Variants in IGF1 observed in about 807,000 individuals in gnomAD.
The protein encoded by IGF1 is insulin-like growth factor 1.
In IGF1, 4 loss-of-function variants were observed where a neutral mutation model predicts 13.8. The observed-to-expected ratio is 0.29, with a 90% CI of 0.14 to 0.66. IGF1 has a LOEUF of 0.66. Ranked by LOEUF, IGF1 falls within the 30% of genes least tolerant of loss-of-function variation. The pLI is 0.78. For synonymous variants in IGF1, 76 were observed against 72.6 expected, an observed-to-expected ratio of 1.05 and a Z score of -0.23; for missense variants, 124 against 188.5, an observed-to-expected ratio of 0.66 and a Z score of 2.00.
chr12:102,473,541 T>A (rs559504312), intron 2 of IGF1, among the ~76,000 whole-genome samples: 3 of 152,222 alleles, frequency 2.0e-5, no homozygotes, highest in African/African-American at 7.2e-5. Flanking sequence ...CGGATTAACA[T>A]AAGTCATGGA....
intron 2 of IGF1, among the ~76,000 whole-genome samples, chr12:102,448,689 T>TAAAAAAAAAAAAAA (rs58794507): frequency 9.1e-6 from 1 of 110,308 alleles, no homozygotes; most frequent in Non-Finnish European, 1.8e-5. Context: ...TAGAGTATAA[T>TAAAAAAAAAAAAAA]AAAAAAAAAA....
At chr12:102,409,305 T>G (rs1156970249) in intron 3 of IGF1, among the ~76,000 whole-genome samples, 2 of 152,240 alleles carry the variant, frequency 1.3e-5, no homozygotes, top group African/African-American at 4.8e-5. Flanking sequence ...AGCATTGATG[T>G]TCTGTAGAGT....
intron 2 of IGF1, chr12:102,423,294 G>A (rs1875905817): frequency 6.8e-6 from 1 of 147,490 alleles, no homozygotes; most frequent in Non-Finnish European, 1.5e-5. Flanking sequence ...AAAAAGACCG[G>A]TGCCTGGTAT....
rs70961706 is a variant in IGF1 at position 102,397,768 on chromosome 12, G to A, written c.*4739C>T. The A allele has an allele frequency of 9.2e-5, 14 of 152,286 alleles. No individual in the cohort carries two copies. In the East Asian group the frequency reaches 2.7e-3, roughly 29 times the overall value. The allele number at this position is 152,286 out of a possible 1,614,324, so 9.4% of individuals were successfully genotyped here. A position where few individuals can be genotyped will look rare whatever the true frequency, so the allele number is the denominator to read the frequency against. On this transcript the variant is annotated 3_prime_UTR_variant, in exon 4 of 4. Coordinates refer to ENST00000337514, the MANE Select transcript of IGF1 (RefSeq NM_000618.5). ...ATTCTTCTGTTTTAAAATAAATGAT[G>A]CCATTGCATAAATCAGATTTATCTT... is the stretch of plus-strand genomic sequence containing the variant.
At chr12:102,420,647 A>G (rs1280254880) in intron 2 of IGF1, among the ~76,000 whole-genome samples, 1 of 152,148 alleles carries the variant, frequency 6.6e-6, no homozygotes, top group African/African-American at 2.4e-5. Flanking sequence ...AGAGGCCAGA[A>G]CAATGAATTC....
chr12:102,447,082 T>C (rs974739639), intron 2 of IGF1, among the ~76,000 whole-genome samples: 3 of 152,142 alleles, frequency 2.0e-5, no homozygotes, highest in Non-Finnish European at 4.4e-5. Context: ...GCACTGTGGT[T>C]GGAGAGACTG....
chr12:102,435,805 G>A (rs959931931), intron 2 of IGF1, among the ~76,000 whole-genome samples: 24 of 152,156 alleles, frequency 1.6e-4, no homozygotes, highest in African/African-American at 5.8e-4. Context: ...CACCTGGATG[G>A]CTTATTAAAA....
At chr12:102,405,076 GCTTTCTTT>G (rs34097393) in intron 3 of IGF1, among the ~76,000 whole-genome samples, 2 of 146,256 alleles carry the variant, frequency 1.4e-5, no homozygotes, top group Non-Finnish European at 1.5e-5. Flanking sequence ...ATTGGGTTCT[GCTTTCTTT>G]CTTTCTTTCT....
At chr12:102,451,179 C>T (rs533834239) in intron 2 of IGF1, among the ~76,000 whole-genome samples, 4 of 152,330 alleles carry the variant, frequency 2.6e-5, no homozygotes, top group Non-Finnish European at 4.4e-5. Flanking sequence ...GACTCTTCTA[C>T]GTAGACCAAT....
At chr12:102,441,722 T>C (rs1877732888) in intron 2 of IGF1, among the ~76,000 whole-genome samples, 1 of 152,206 alleles carries the variant, frequency 6.6e-6, no homozygotes. Flanking sequence ...TTTATACATA[T>C]GCTGTATCAT....
At chr12:102,454,962 C>T (rs1879269809) in intron 2 of IGF1, among the ~76,000 whole-genome samples, 2 of 152,186 alleles carry the variant, frequency 1.3e-5, no homozygotes, top group African/African-American at 4.8e-5. Flanking sequence ...AGGGCCAGAG[C>T]TGCTTTTCCA....
At position 102,397,070 on chromosome 12, in the gene IGF1, T is replaced by G. The variant is rs908221646; in HGVS notation, c.*5437A>C. On this transcript the variant is annotated 3_prime_UTR_variant, in exon 4 of 4. Coordinates refer to ENST00000337514, the MANE Select transcript of IGF1 (RefSeq NM_000618.5). ...CCAAAAAATTAGCCGGGCATAGTGG[T>G]GGGTGCCTGTAATCCCAGCTACTCA... 4 of 356,624 alleles carry G rather than the reference T, an allele frequency of 1.1e-5. No homozygotes were observed. The highest frequency in any genetic ancestry group is 8.4e-5 in the African/African-American group (4 of 47,416). The allele number at this position is 356,624 out of a possible 1,614,324, so 22.1% of individuals were successfully genotyped here. A position where few individuals can be genotyped will look rare whatever the true frequency, so the allele number is the denominator to read the frequency against.
chr12:102,456,727 C>T (rs549137859), intron 2 of IGF1, among the ~76,000 whole-genome samples: 1 of 152,178 alleles, frequency 6.6e-6, no homozygotes, highest in East Asian at 1.9e-4. Context: ...AAAGTACTGA[C>T]CAATATTACA....
chr12:102,425,857 C>T (rs1876155828), intron 2 of IGF1, among the ~76,000 whole-genome samples: 1 of 152,168 alleles, frequency 6.6e-6, no homozygotes, highest in Non-Finnish European at 1.5e-5. Flanking sequence ...TAGCTTAGGT[C>T]TGATTCCAGG....
At chr12:102,413,031 C>G (rs1475260705) in intron 3 of IGF1, among the ~76,000 whole-genome samples, 2 of 152,092 alleles carry the variant, frequency 1.3e-5, no homozygotes, top group Non-Finnish European at 2.9e-5. Context: ...TTTTGTGGAC[C>G]TGGAGAATTT....
chr12:102,441,938 T>C (rs951246349), intron 2 of IGF1, among the ~76,000 whole-genome samples: 18 of 136,610 alleles, frequency 1.3e-4, no homozygotes, highest in Non-Finnish European at 2.4e-4. Context: ...CTTCTTCTTC[T>C]TCTTCTTCTT....
chr12:102,425,420 G>A (rs1023492643), intron 2 of IGF1, among the ~76,000 whole-genome samples: 1 of 152,030 alleles, frequency 6.6e-6, no homozygotes, highest in African/African-American at 2.4e-5. Context: ...AGGAATTATG[G>A]CCCTCTACGA....
Position 102,400,028 on chromosome 12 carries a change from AAAT to A in IGF1, c.*2476_*2478del, listed in dbSNP as rs1011287386. On this transcript the variant is annotated 3_prime_UTR_variant, in exon 4 of 4. Transcript: ENST00000337514. ...TAAGCATGCTTGAGGTGCTCAATTCAAATAATGTTGGACTGAGAGTTAAAATAC... is the reference window on the plus strand; with the variant it reads ...TAAGCATGCTTGAGGTGCTCAATTCAAATGTTGGACTGAGAGTTAAAATAC... The A allele has an allele frequency of 2.6e-5, 4 of 152,148 alleles. No individual in the cohort carries two copies. The highest frequency in any genetic ancestry group is 9.7e-5 in the African/African-American group (4 of 41,442). The allele number at this position is 152,148 out of a possible 1,614,324, so 9.4% of individuals were successfully genotyped here. A position where few individuals can be genotyped will look rare whatever the true frequency, so the allele number is the denominator to read the frequency against.
intron 2 of IGF1, among the ~76,000 whole-genome samples, chr12:102,455,982 T>A (rs1746893610): frequency 6.6e-6 from 1 of 152,198 alleles, no homozygotes; most frequent in South Asian, 2.1e-4. Flanking sequence ...AGCGATGGCT[T>A]ATGGCCCTTC....
Sources: allele counts gnomAD v4.1 joint callset (sites outside exome capture counted in the v4.1 genomes callset), GRCh38; gene constraint gnomAD v4.1.1; transcripts MANE v1.5; gene names NCBI Gene and HGNC (gene_info 2026-07-23, HGNC 2026-07-21).